ABRACL: variants seen among roughly 807,000 people sequenced by gnomAD.
ABRACL encodes ABRA C-terminal like, also known as costars family protein ABRACL.
ABRACL carries 4 observed loss-of-function variants against 7.0 expected under a neutral mutation model. The ratio of observed to expected loss-of-function variants is 0.57; its 90% confidence interval spans 0.28 to 1.30. The LOEUF is 1.30. Ranked by LOEUF, ABRACL falls within the 50% of genes most tolerant of loss-of-function variation. The probability of loss-of-function intolerance (pLI) is 0.10; values close to 1 mark genes in which losing one functional copy is unlikely to be tolerated. For synonymous variants in ABRACL, 30 were observed against 36.0 expected, an observed-to-expected ratio of 0.83 and a Z score of 0.60; for missense variants, 104 against 97.3, an observed-to-expected ratio of 1.07 and a Z score of -0.29.
chr6:139,032,836 G>T (rs1269671726), intron 1 of ABRACL, among the ~76,000 whole-genome samples: 1 of 152,192 alleles, frequency 6.6e-6, no homozygotes, highest in Non-Finnish European at 1.5e-5. Flanking sequence ...GCCTTTGCGT[G>T]TTCTTTTCAG....
intron 1 of ABRACL, 145 bp downstream of exon 1, chr6:139,029,020 G>C (rs1011954240): frequency 2.0e-5 from 3 of 152,220 alleles, no homozygotes; most frequent in African/African-American, 7.2e-5. Context: ...AGCTGCGACC[G>C]GCTGGGCCGA....
intron 2 of ABRACL, among the ~76,000 whole-genome samples, chr6:139,041,326 A>G (rs1786240080): frequency 6.6e-6 from 1 of 150,550 alleles, no homozygotes; most frequent in Admixed American, 6.6e-5. Context: ...GTGCACTAGC[A>G]CGATCATGGC....
intron 2 of ABRACL, among the ~76,000 whole-genome samples, chr6:139,039,637 A>G (rs1224561464): frequency 6.6e-6 from 1 of 152,190 alleles, no homozygotes; most frequent in Non-Finnish European, 1.5e-5. Context: ...ACTGTTACAA[A>G]GGCAGAATCT....
intron 2 of ABRACL, among the ~76,000 whole-genome samples, chr6:139,037,134 G>A (rs1786171827): frequency 1.3e-5 from 2 of 152,142 alleles, no homozygotes; most frequent in South Asian, 4.1e-4. Context: ...ATGAAGTCTT[G>A]CATCTCAGGT....
intron 1 of ABRACL, among the ~76,000 whole-genome samples, chr6:139,030,644 T>G (rs1258983670): frequency 1.3e-5 from 2 of 152,254 alleles, no homozygotes; most frequent in Admixed American, 6.5e-5. Context: ...GGAGCCTTTC[T>G]TGCTTTGTAA....
intron 2 of ABRACL, among the ~76,000 whole-genome samples, chr6:139,038,900 T>C (rs1407083382): frequency 6.6e-6 from 1 of 152,154 alleles, no homozygotes; most frequent in African/African-American, 2.4e-5. Context: ...TAATACTCTA[T>C]TTCAAGGACA....
chr6:139,041,451 C>CTCTCTCTCTATA lies in ABRACL; in HGVS notation c.62-1267_62-1266insCTCTCTCTATAT, dbSNP rs140091253. On this transcript the variant is annotated intron_variant, in intron 2 of 2. Transcript: ENST00000367660. ...TCTCTCTCTCTCTCTCTCTCTCTCT[C>CTCTCTCTCTATA]TATATATATATATATATATTTCTAT... Among the ~76,000 whole-genome samples the CTCTCTCTCTATA allele has an allele frequency of 3.6e-3, 399 of 110,026 alleles. 1 individual carries two copies. Among genetic ancestry groups the CTCTCTCTCTATA allele is most frequent in the East Asian group, 9.9e-3 (40 of 4,024 alleles). The allele number at this position is 110,026 out of a possible 152,430, so 72.2% of individuals were successfully genotyped here.
At chr6:139,041,527 A>ATTTTTTT (rs1250506796) in intron 2 of ABRACL, among the ~76,000 whole-genome samples, 1 of 41,974 alleles carries the variant, frequency 2.4e-5, no homozygotes, top group African/African-American at 1.1e-4. Flanking sequence ...ATATATATAT[A>ATTTTTTT]TATATTTTTT....
In ABRACL at chr6:139,034,240, T is replaced by A; in HGVS notation, c.61+19T>A. 6.2e-7 allele frequency: 1 copy of A among 1,614,206 alleles called. No homozygotes were observed. Among genetic ancestry groups the A allele is most frequent in the South Asian group, 1.1e-5 (1 of 91,074 alleles). On this transcript the variant is annotated intron_variant, in intron 2 of 2. Transcript: ENST00000367660. ...TCAAAAAGTAAGTATCTGACAGAGA[T>A]AGAGTATTTCTCCTGGCTTTACCTT... is the stretch of plus-strand genomic sequence containing the variant.
Position 139,041,037 on chromosome 6 carries a change from C to T in ABRACL, c.62-1682C>T, listed in dbSNP as rs1288252923. Among the ~76,000 whole-genome samples the T allele has an allele frequency of 3.9e-5, 6 of 152,112 alleles. No individual in the cohort carries two copies. The East Asian group carries it at 1.2e-3, about 29-fold the overall frequency. On this transcript the variant is annotated intron_variant, in intron 2 of 2. Transcript: ENST00000367660. ...CTTAGGGAGCTTTAAACAAGTTGCCCAAGGCCAAATGACTAGTAGATGGCA... is the reference window on the plus strand; with the variant it reads ...CTTAGGGAGCTTTAAACAAGTTGCCTAAGGCCAAATGACTAGTAGATGGCA...
At chr6:139,031,833 T>C (rs945426756) in intron 1 of ABRACL, among the ~76,000 whole-genome samples, 1 of 152,250 alleles carries the variant, frequency 6.6e-6, no homozygotes, top group East Asian at 1.9e-4. Flanking sequence ...CCAGGATACA[T>C]GGGTTTAGCA....
chr6:139,034,200 A>G lies in ABRACL; in HGVS notation c.40A>G (p.Ile14Val), dbSNP rs1312622488. ...CGAGGTTAACCTCTTAGTGGAGGAAATTCATCGTTTGGGTTCAAAAAGTAA... is the reference window on the plus strand; with the variant it reads ...CGAGGTTAACCTCTTAGTGGAGGAAGTTCATCGTTTGGGTTCAAAAAGTAA... The part of the protein sequence containing the change: ...DHEVNLLVEE[I>V]HRLGSKNADG... The change falls in exon 2 of 3, where the codon ATT (isoleucine) becomes GTT (valine). Residue 14 changes from isoleucine to valine, a missense_variant. Coordinates refer to ENST00000367660, the MANE Select transcript of ABRACL (RefSeq NM_021243.3). The G allele has an allele frequency of 1.2e-6, 2 of 1,614,090 alleles. No individual in the cohort carries two copies. Among genetic ancestry groups the G allele is most frequent in the African/African-American group, 1.3e-5 (1 of 74,924 alleles).
chr6:139,036,880 A>T (rs1445476840), intron 2 of ABRACL, among the ~76,000 whole-genome samples: 1 of 152,126 alleles, frequency 6.6e-6, no homozygotes, highest in Non-Finnish European at 1.5e-5. Context: ...GCTATACTGG[A>T]GGCTGAGGCA....
intron 2 of ABRACL, among the ~76,000 whole-genome samples, chr6:139,036,624 A>T (rs1786159968): frequency 6.6e-6 from 1 of 152,218 alleles, no homozygotes; most frequent in Non-Finnish European, 1.5e-5. Flanking sequence ...ATAACTGTGT[A>T]GTACAAGTGG....
At chr6:139,041,823 T>C (rs1786257773) in intron 2 of ABRACL, among the ~76,000 whole-genome samples, 1 of 152,140 alleles carries the variant, frequency 6.6e-6, no homozygotes, top group South Asian at 2.1e-4. Flanking sequence ...TCTACCTCCT[T>C]ATGTCTGCCC....
intron 1 of ABRACL, among the ~76,000 whole-genome samples, chr6:139,030,651 G>C (rs552464063): frequency 2.0e-4 from 31 of 152,194 alleles, no homozygotes; most frequent in African/African-American, 6.5e-4. Flanking sequence ...TTCTTGCTTT[G>C]TAAGTGTTCT....
At chr6:139,029,043 T>G (rs1296255338) in intron 1 of ABRACL, among the ~76,000 whole-genome samples, 168 bp downstream of exon 1, 2 of 151,718 alleles carry the variant, frequency 1.3e-5, no homozygotes, top group African/African-American at 2.4e-5. Flanking sequence ...CCTCGCGGGT[T>G]GGGGTCCCGT....
chr6:139,034,066 G>A lies in ABRACL; in HGVS notation c.-6-89G>A, dbSNP rs928405399. 4.4e-5 allele frequency: 68 copies of A among 1,529,030 alleles called. 3 individuals are homozygous for A. In the South Asian group the frequency reaches 7.0e-4, roughly 16 times the overall value. 94.7% of individuals were successfully genotyped at this position (1,529,030 alleles called of 1,614,324 possible). On this transcript the variant is annotated intron_variant, in intron 1 of 2. Transcript: ENST00000367660. ...ATGGTAAATTAATAGTGACAGACGC[G>A]ACCTGAACAAGACAAAGGGCTCTTG...
In ABRACL at chr6:139,039,882, C is replaced by T. The variant is rs148922943; in HGVS notation, c.62-2837C>T. On this transcript the variant is annotated intron_variant, in intron 2 of 2. Coordinates refer to ENST00000367660, the MANE Select transcript of ABRACL (RefSeq NM_021243.3). ...ATCCCAGCACTTTGGGAGGCCAAGG[C>T]GGGAGGATTGTTTGAGCCCAGGAGT... Among the ~76,000 whole-genome samples, 1,470 of 152,126 alleles carry T rather than the reference C, an allele frequency of 9.7e-3. 22 individuals are homozygous for T. The highest frequency in any genetic ancestry group is 0.034 in the African/African-American group (1,400 of 41,492).
Sources: gnomAD v4.1 joint callset for allele counts (sites outside exome capture counted in the v4.1 genomes callset) on GRCh38, gnomAD v4.1.1 for gene constraint, MANE v1.5 for transcripts, NCBI Gene and HGNC (gene_info 2026-07-23, HGNC 2026-07-21) for gene names.